USP6: variants seen among roughly 807,000 people sequenced by gnomAD.
USP6 encodes ubiquitin carboxyl-terminal hydrolase 6.
USP6 carries 128 observed loss-of-function variants against 175.7 expected under a neutral mutation model. The observed-to-expected ratio is 0.73, with a 90% CI of 0.63 to 0.84. USP6 has a LOEUF of 0.84. Ranked by LOEUF, USP6 falls within the 40% of genes least tolerant of loss-of-function variation. The pLI is 0.00. For synonymous variants in USP6, 562 were observed against 630.6 expected, an observed-to-expected ratio of 0.89 and a Z score of 1.63; for missense variants, 1,498 against 1,760.3, an observed-to-expected ratio of 0.85 and a Z score of 2.67.
chr17:5,139,160 C>G (rs1193003945), intron 21 of USP6, 95 bp from the exon 22 acceptor site: 1 of 1,598,100 alleles, frequency 6.3e-7, no homozygotes, highest in Non-Finnish European at 8.5e-7. Flanking sequence ...ACACAGAGAC[C>G]CCAAGGACTC....
In USP6 at chr17:5,172,896, T is replaced by A; in HGVS notation, c.4139T>A (p.Ile1380Asn). ...GACTACGCACAATTTCTGCCAAAGA[T>A]TGATGGCAAAAAGATGGCAGACACA... ...GIDYAQFLPK[I>N]DGKKMADTSS... Residue 1380 changes from isoleucine (I) to asparagine (N), a missense_variant, in exon 38 of 38, where the codon ATT (isoleucine) becomes AAT (asparagine). Physicochemically the swap from Ile to Asn is moderately radical, Grantham distance 149. This residue lies in a region of USP6 where 1,217 missense variants were observed against 1,500.8 expected (regional missense o/e 0.81). Transcript: ENST00000574788. 1 of 1,613,934 alleles carries A rather than the reference T, an allele frequency of 6.2e-7. No individual in the cohort carries two copies. Among genetic ancestry groups the A allele is most frequent in the South Asian group, 1.1e-5 (1 of 91,078 alleles).
At chr17:5,134,241 TCACA>T (rs1180042187) in intron 15 of USP6, 1 of 516,174 alleles carries the variant, frequency 1.9e-6, no homozygotes, top group Non-Finnish European at 3.5e-6. Flanking sequence ...GCAAAGAAAA[TCACA>T]CGCAATGGTG....
chr17:5,156,411 G>A (rs184739040), intron 31 of USP6, among the ~76,000 whole-genome samples: 54 of 151,862 alleles, frequency 3.6e-4, no homozygotes, highest in Middle Eastern at 3.4e-3. Flanking sequence ...GGGTTCAAAC[G>A]ATTCTCCTGC....
intron 15 of USP6, chr17:5,134,833 C>T (rs866970382): frequency 6.5e-5 from 20 of 309,940 alleles, no homozygotes; most frequent in East Asian, 5.4e-4. Flanking sequence ...CAGGGGCTGA[C>T]GGATCGGGGA....
At chr17:5,123,408 C>T (rs2072771793) in intron 4 of USP6, among the ~76,000 whole-genome samples, 1 of 151,994 alleles carries the variant, frequency 6.6e-6, no homozygotes, top group South Asian at 2.1e-4. Flanking sequence ...CGTGGCGCGG[C>T]GGGGCCTCCG....
intron 6 of USP6, chr17:5,126,997 A>C (rs2072914618): frequency 7.1e-6 from 1 of 140,146 alleles, no homozygotes; most frequent in South Asian, 2.6e-4. Flanking sequence ...AGCAGAGGAC[A>C]CCTGCCCACG....
intron 2 of USP6, among the ~76,000 whole-genome samples, chr17:5,118,809 C>T (rs1439368772): frequency 6.6e-6 from 1 of 152,182 alleles, no homozygotes; most frequent in Non-Finnish European, 1.5e-5. Flanking sequence ...AAAGTCTGGC[C>T]ATTTCTTCCC....
At position 5,161,560 on chromosome 17, in the gene USP6, C is replaced by T. The variant is rs143126839; in HGVS notation, c.2861C>T (p.Thr954Ile). ...TGTATGGGCTATCAATATCCATTCA[C>T]TCTACGAGTTGTGCAGAAAGATGGG... is the stretch of plus-strand genomic sequence containing the variant. ...DNCMGYQYPF[T>I]LRVVQKDGNS... is the part of the protein sequence containing the mutation. Residue 954 changes from threonine (T) to isoleucine (I), a missense_variant, in exon 32 of 38, where the codon ACT becomes ATT. Around this residue, in one of 2 missense-constraint regions of USP6, gnomAD observed 1,217 missense variants for 1,500.8 expected, o/e 0.81. Transcript: ENST00000574788. 1.3e-4 allele frequency: 206 copies of T among 1,614,052 alleles called. No individual in the cohort carries two copies. Among genetic ancestry groups the T allele is most frequent in the Admixed American group, 5.8e-4 (35 of 60,022 alleles).
At chr17:5,125,599 A>G (rs2072859490) in intron 5 of USP6, among the ~76,000 whole-genome samples, 1 of 151,976 alleles carries the variant, frequency 6.6e-6, no homozygotes, top group Non-Finnish European at 1.5e-5. Context: ...AAAGACTTAC[A>G]GCTTGGAGTT....
At chr17:5,133,686 G>A (rs1435505649) in intron 14 of USP6, 136 bp downstream of exon 14, 2 of 1,182,892 alleles carry the variant, frequency 1.7e-6, no homozygotes, top group Non-Finnish European at 2.5e-6. Flanking sequence ...GGCATGGACG[G>A]TGACACAGTC....
At chr17:5,140,770 A>T (rs1209439631) in intron 22 of USP6, among the ~76,000 whole-genome samples, 1 of 152,120 alleles carries the variant, frequency 6.6e-6, no homozygotes, top group Non-Finnish European at 1.5e-5. Flanking sequence ...TCCAGTAAAC[A>T]CACACCTGGG....
At chr17:5,172,456 G>A (rs1159505536) in intron 37 of USP6, among the ~76,000 whole-genome samples, 6 of 152,258 alleles carry the variant, frequency 3.9e-5, no homozygotes, top group African/African-American at 7.2e-5. Flanking sequence ...GCTTGAACCC[G>A]GGAGGCAGAG....
chr17:5,139,154 A>G (rs2073360725), intron 21 of USP6, 101 bp from the exon 22 acceptor site: 1 of 1,597,902 alleles, frequency 6.3e-7, no homozygotes, highest in African/African-American at 1.3e-5. Context: ...GGGGCCACAC[A>G]GAGACCCCAA....
At position 5,166,859 on chromosome 17, in the gene USP6, C is replaced by T. The variant is rs570161013; in HGVS notation, c.3037-1073C>T. ...ACCCCCAACATACATCCCTGCACCC[C>T]GCCCATTCTTTGCTCTCTCTCCTTT... On this transcript the variant is annotated intron_variant, in intron 33 of 37. Coordinates refer to ENST00000574788, the MANE Select transcript of USP6 (RefSeq NM_001304284.2). 4.6e-5 allele frequency among the ~76,000 whole-genome samples: 7 copies of T among 152,092 alleles called. No homozygotes were observed. The South Asian group carries it at 1.0e-3, about 23-fold the overall frequency.
At chr17:5,145,628 T>C (rs755131052) in intron 27 of USP6, 49 bp downstream of exon 27, 2 of 1,518,374 alleles carry the variant, frequency 1.3e-6, no homozygotes, top group Non-Finnish European at 1.8e-6. Context: ...AAATTTACTT[T>C]ATTTAAATAG....
chr17:5,124,393 C>G (rs1239130593), intron 4 of USP6, among the ~76,000 whole-genome samples, 173 bp from the exon 5 acceptor site: 1 of 152,196 alleles, frequency 6.6e-6, no homozygotes, highest in Non-Finnish European at 1.5e-5. Flanking sequence ...GCCTGGCTTT[C>G]CAGAAACAGA....
intron 4 of USP6, among the ~76,000 whole-genome samples, chr17:5,123,462 G>C (rs1394880796): frequency 6.6e-6 from 1 of 152,044 alleles, no homozygotes; most frequent in Admixed American, 6.5e-5. Flanking sequence ...CAGGCAGGGG[G>C]CCGGCCCAGC....
At chr17:5,137,315 A>C in intron 19 of USP6, 129 bp downstream of exon 19, 1 of 1,226,374 alleles carries the variant, frequency 8.2e-7, no homozygotes, top group Non-Finnish European at 1.2e-6. Context: ...AGGACACACA[A>C]GCAAAACCCT....
intron 31 of USP6, among the ~76,000 whole-genome samples, chr17:5,160,681 TA>T (rs2073987543): frequency 2.6e-5 from 4 of 152,246 alleles, no homozygotes; most frequent in Admixed American, 2.0e-4. Flanking sequence ...AGTGCTGCAA[TA>T]AACACACGTG....
Sources: gnomAD v4.1 joint callset for allele counts (sites outside exome capture counted in the v4.1 genomes callset) on GRCh38, gnomAD v4.1.1 for gene constraint, gnomAD v4.1.1 regional missense constraint, MANE v1.5 for transcripts, NCBI Gene and HGNC (gene_info 2026-07-23, HGNC 2026-07-21) for gene names.